Variants in MGA observed in about 807,000 individuals in gnomAD.
MGA encodes MAX gene-associated protein.
A neutral mutation model predicts 261.1 loss-of-function variants in MGA; 40 were observed. That is an observed-to-expected ratio of 0.15 (90% CI 0.12 to 0.20). MGA has a LOEUF of 0.20. Ranked by LOEUF, MGA falls within the 10% of genes least tolerant of loss-of-function variation. The probability of loss-of-function intolerance (pLI) is 1.00; values close to 1 mark genes in which losing one functional copy is unlikely to be tolerated. For synonymous variants in MGA, 1,302 were observed against 1,290.6 expected, an observed-to-expected ratio of 1.01 and a Z score of -0.19; for missense variants, 3,397 against 3,630.5, an observed-to-expected ratio of 0.94 and a Z score of 1.65.
rs2062208373 is a variant in MGA at position 41,743,070 on chromosome 15, G to GCTGCATCTTCCTCCATGGTGACCACAC, written c.5112_5138dup (p.Ala1705_Pro1713dup). On this transcript the variant is annotated inframe_insertion, in exon 15 of 24. Transcript: ENST00000219905. Reference sequence around the variant, plus strand: ...CACCTCCTTAGTCGTGGTGACTGCAGCTGCATCTTCCTCCATGGTGACCAC... The same window carrying GCTGCATCTTCCTCCATGGTGACCACAC: ...CACCTCCTTAGTCGTGGTGACTGCAGCTGCATCTTCCTCCATGGTGACCACACCTGCATCTTCCTCCATGGTGACCAC... The GCTGCATCTTCCTCCATGGTGACCACAC allele has an allele frequency of 3.1e-6, 5 of 1,613,892 alleles. No individual in the cohort carries two copies. In the African/African-American group the frequency reaches 4.0e-5, roughly 13 times the overall value.
At chr15:41,686,622 G>A (rs2058986431) in intron 2 of MGA, among the ~76,000 whole-genome samples, 1 of 151,988 alleles carries the variant, frequency 6.6e-6, no homozygotes, top group Non-Finnish European at 1.5e-5. Flanking sequence ...TGTAGTTTTT[G>A]TGTAGTGCTC....
At chr15:41,728,135 G>T (rs2061340916) in intron 10 of MGA, among the ~76,000 whole-genome samples, 1 of 151,924 alleles carries the variant, frequency 6.6e-6, no homozygotes, top group African/African-American at 2.4e-5. Flanking sequence ...TTCGACACCA[G>T]CCTGGCCAAC....
chr15:41,659,356 A>G (rs1034987241), upstream of MGA, among the ~76,000 whole-genome samples: 2 of 152,066 alleles, frequency 1.3e-5, no homozygotes, highest in Admixed American at 1.3e-4. Flanking sequence ...TCTCCTTCAT[A>G]GTGTTTTGTA....
chr15:41,741,346 CAAAAAAAAAAAA>C (rs11389766), intron 14 of MGA, among the ~76,000 whole-genome samples: 1 of 72,338 alleles, frequency 1.4e-5, no homozygotes, highest in African/African-American at 5.8e-5. Flanking sequence ...ACTCCATCTC[CAAAAAAAAAAAA>C]AAAAAAAAAA....
rs1596048342 is a variant in MGA at position 41,769,034 on chromosome 15, T to C, written c.*1754T>C. 6.6e-6 allele frequency: 1 copy of C among 152,638 alleles called. No individual in the cohort carries two copies. Among genetic ancestry groups the C allele is most frequent in the African/African-American group, 2.4e-5 (1 of 41,458 alleles). The allele number at this position is 152,638 out of a possible 1,614,324, so 9.5% of individuals were successfully genotyped here. On this transcript the variant is annotated 3_prime_UTR_variant, in exon 24 of 24. Transcript: ENST00000219905. ...GTAAAGAGTGCTCCTCAGCTTCTTA[T>C]CCTTCCACTCTTTACCCAGCAGATT...
At chr15:41,729,769 A>G (rs1049650862) in intron 11 of MGA, among the ~76,000 whole-genome samples, 1 of 152,112 alleles carries the variant, frequency 6.6e-6, no homozygotes, top group Non-Finnish European at 1.5e-5. Context: ...TGGAGGTTGG[A>G]GGTTGCAGTG....
chr15:41,675,288 T>C (rs994547435), intron 2 of MGA, among the ~76,000 whole-genome samples: 2 of 152,248 alleles, frequency 1.3e-5, no homozygotes, highest in Admixed American at 1.3e-4. Context: ...CTTCTACATC[T>C]TTGTTAGCAC....
At chr15:41,711,982 A>C (rs1465499222) in intron 8 of MGA, among the ~76,000 whole-genome samples, 1 of 152,216 alleles carries the variant, frequency 6.6e-6, no homozygotes, top group East Asian at 1.9e-4. Flanking sequence ...GGCATGAGTC[A>C]CCACGCCCGG....
upstream of MGA, among the ~76,000 whole-genome samples, chr15:41,655,662 C>T (rs879685246): frequency 5.3e-5 from 8 of 152,094 alleles, no homozygotes; most frequent in Non-Finnish European, 1.2e-4. Flanking sequence ...AGACTGTATC[C>T]AGTCAATGGG....
chr15:41,666,284 A>G (rs4923907), intron 1 of MGA, among the ~76,000 whole-genome samples: 23,829 of 152,196 alleles, frequency 0.16, 2,707 homozygotes, highest in East Asian at 0.68. Flanking sequence ...CAAGTCATCA[A>G]GTTTTCCTTG....
chr15:41,704,038 C>G (rs1387112545), intron 5 of MGA, among the ~76,000 whole-genome samples: 1 of 152,100 alleles, frequency 6.6e-6, no homozygotes, highest in Non-Finnish European at 1.5e-5. Flanking sequence ...GTCTCGAACT[C>G]TTCAGCTCAA....
At chr15:41,678,337 C>A (rs773414071) in intron 2 of MGA, among the ~76,000 whole-genome samples, 2 of 151,650 alleles carry the variant, frequency 1.3e-5, no homozygotes, top group African/African-American at 4.8e-5. Flanking sequence ...GTGATCTGCC[C>A]GCCTCAGCCT....
chr15:41,706,236 CA>C (rs1239541105), intron 5 of MGA, among the ~76,000 whole-genome samples: 830 of 49,156 alleles, frequency 0.017, 5 homozygotes, highest in African/African-American at 0.047. Flanking sequence ...GACTCCATCT[CA>C]AAAAAAAAAA....
rs528643667 is a variant in MGA at position 41,767,716 on chromosome 15, T to A, written c.*436T>A. The A allele has an allele frequency of 4.7e-5, 8 of 170,068 alleles. No homozygotes were observed. The East Asian group carries it at 1.3e-3, about 27-fold the overall frequency. The allele number at this position is 170,068 out of a possible 1,614,324, so 10.5% of individuals were successfully genotyped here. ...AAATCTAAGGAATGCGATGGACTTG[T>A]GCAAAGGGATCCAGAAGAGACACTT... On this transcript the variant is annotated 3_prime_UTR_variant, in exon 24 of 24. Transcript: ENST00000219905.
intron 1 of MGA, among the ~76,000 whole-genome samples, chr15:41,640,823 TAGTTTTTAA>T (rs2056807709): frequency 6.6e-6 from 1 of 152,194 alleles, no homozygotes; most frequent in Admixed American, 6.5e-5. Context: ...GCCCTCCTCT[TAGTTTTTAA>T]AGTTTTGAGA....
At chr15:41,755,189 AAG>A (rs2063077194) in intron 18 of MGA, among the ~76,000 whole-genome samples, 1 of 152,214 alleles carries the variant, frequency 6.6e-6, no homozygotes, top group Non-Finnish European at 1.5e-5. Flanking sequence ...GGCTGTGAGA[AAG>A]AGTAGAGAAG....
intron 11 of MGA, among the ~76,000 whole-genome samples, chr15:41,733,759 CTAA>C (rs1425526011): frequency 6.6e-6 from 1 of 152,154 alleles, no homozygotes; most frequent in Non-Finnish European, 1.5e-5. Flanking sequence ...ATTGCCCTTA[CTAA>C]TGAGAAATTG....
At position 41,711,461 on chromosome 15, in the gene MGA, C is replaced by T. The variant is rs922565169; in HGVS notation, c.3084+112C>T. Reference sequence around the variant, plus strand: ...GGCAGGGTGATCAGCTAGTTTTTAGCATTTAGAACCTTCATGGGAACTAAG... The same window carrying T: ...GGCAGGGTGATCAGCTAGTTTTTAGTATTTAGAACCTTCATGGGAACTAAG... On this transcript the variant is annotated intron_variant, in intron 8 of 23. Transcript: ENST00000219905. 8 of 1,080,616 alleles carry T rather than the reference C, an allele frequency of 7.4e-6. No individual in the cohort carries two copies. In the East Asian group the frequency reaches 1.8e-4, roughly 24 times the overall value. 66.9% of individuals were successfully genotyped at this position (1,080,616 alleles called of 1,614,324 possible).
chr15:41,704,505 A>T (rs2060008822), intron 5 of MGA, among the ~76,000 whole-genome samples: 1 of 152,156 alleles, frequency 6.6e-6, no homozygotes. Flanking sequence ...AAAAATACAA[A>T]AAATTAGCCA....
Sources: gnomAD v4.1 joint callset for allele counts (sites outside exome capture counted in the v4.1 genomes callset) on GRCh38, gnomAD v4.1.1 for gene constraint, MANE v1.5 for transcripts, NCBI Gene and HGNC (gene_info 2026-07-23, HGNC 2026-07-21) for gene names.